Variants in STK38 observed in about 807,000 individuals in gnomAD.
STK38 encodes the protein serine/threonine kinase 38.
Under a neutral mutation model 59.0 loss-of-function variants are expected in STK38, and 26 were observed. The observed-to-expected ratio is 0.44, with a 90% confidence interval of 0.32 to 0.61. The LOEUF (loss-of-function observed/expected upper bound fraction) is 0.61, where lower values mean the gene tolerates loss of function less well. Among genes scored for constraint, STK38 ranks in the 20% least tolerant of loss-of-function variants. The pLI, the probability that STK38 is intolerant of heterozygous loss-of-function variation, is 0.04. For synonymous variants in STK38, 175 were observed against 176.6 expected, an observed-to-expected ratio of 0.99 and a Z score of 0.07; for missense variants, 433 against 566.0, an observed-to-expected ratio of 0.76 and a Z score of 2.38.
intron 7 of STK38, among the ~76,000 whole-genome samples, chr6:36,513,429 C>T (rs1484197500): frequency 2.6e-5 from 4 of 151,768 alleles, no homozygotes; most frequent in Non-Finnish European, 5.9e-5. Flanking sequence ...ATTCTCCTGC[C>T]TCAGCCTCTC....
In STK38 at chr6:36,517,758, T is replaced by C. The variant is rs1260097941; in HGVS notation, c.473A>G (p.Asp158Gly). The change falls in exon 6 of 14, where the codon GAT (aspartate) becomes GGT (glycine). Residue 158 changes from aspartate (D) to glycine (G), a missense_variant. By Grantham distance (94) the Asp-to-Gly change is moderately conservative (BLOSUM62 -1). Around this residue, in one of 3 missense-constraint regions of STK38, gnomAD observed 293 missense variants for 388.2 expected, o/e 0.75. Transcript: ENST00000229812. ...WVVKMFYSFQDKLNLYLIMEF... is the reference protein window; with the variant it reads ...WVVKMFYSFQGKLNLYLIMEF... ...CATGATTAGGTAGAGGTTTAGCTTATCCTGAAAACTATAGAACATTTTCAC... is the reference window on the plus strand; with the variant it reads ...CATGATTAGGTAGAGGTTTAGCTTACCCTGAAAACTATAGAACATTTTCAC... 6.2e-7 allele frequency: 1 copy of C among 1,614,144 alleles called. No homozygotes were observed. Among genetic ancestry groups the C allele is most frequent in the Non-Finnish European group, 8.5e-7 (1 of 1,179,988 alleles).
Position 36,495,488 on chromosome 6 carries a change from G to T in STK38, c.*296C>A. The T allele has an allele frequency of 3.4e-6, 1 of 292,362 alleles. No homozygotes were observed. Among genetic ancestry groups the T allele is most frequent in the South Asian group, 4.2e-5 (1 of 23,872 alleles). 18.1% of individuals were successfully genotyped at this position (292,362 alleles called of 1,614,324 possible). On this transcript the variant is annotated 3_prime_UTR_variant, in exon 14 of 14. Coordinates refer to ENST00000229812, the MANE Select transcript of STK38 (RefSeq NM_007271.4). ...GATGGCTGTTTTTCCCCTTCATTCT[G>T]ATGAACTTAGGAAAACTCAAGTTAT...
chr6:36,502,967 T>C (rs1776875485), intron 9 of STK38, among the ~76,000 whole-genome samples: 1 of 152,232 alleles, frequency 6.6e-6, no homozygotes, highest in African/African-American at 2.4e-5. Flanking sequence ...TTTTTACTGC[T>C]GCAAAATATT....
In STK38 at chr6:36,517,849, A is replaced by G. The variant is rs1777293018; in HGVS notation, c.391-9T>C. ...GCACGAATGTGGCCAACCTGGAGGT[A>G]TATGCATTTGATTAATGACAAAGCT... On this transcript the variant is annotated splice_polypyrimidine_tract_variant and intron_variant, in intron 5 of 13. Coordinates refer to ENST00000229812, the MANE Select transcript of STK38 (RefSeq NM_007271.4). 1.2e-6 allele frequency: 2 copies of G among 1,612,138 alleles called. No homozygotes were observed. Among genetic ancestry groups the G allele is most frequent in the South Asian group, 1.1e-5 (1 of 90,864 alleles).
At chr6:36,539,569 T>G (rs62402207) in intron 2 of STK38, among the ~76,000 whole-genome samples, 5,279 of 152,126 alleles carry the variant, frequency 0.035, 113 homozygotes, top group African/African-American at 0.055. Context: ...GCAAGTAGTA[T>G]TATCCCCATT....
chr6:36,527,207 A>AAAAAATAT lies in STK38; in HGVS notation c.132-1566_132-1565insATATTTTT, dbSNP rs60162863. On this transcript the variant is annotated intron_variant, in intron 2 of 13. Coordinates refer to ENST00000229812, the MANE Select transcript of STK38 (RefSeq NM_007271.4). Reference sequence around the variant, plus strand: ...ACTCCGTCTCAAAAAAAAAAAAAAAAATATATGTATATATATATATATTTA... The same window carrying AAAAAATAT: ...ACTCCGTCTCAAAAAAAAAAAAAAAAAAAAATATATATATGTATATATATATATATTTA... Among the ~76,000 whole-genome samples the AAAAAATAT allele has an allele frequency of 2.8e-3, 340 of 119,330 alleles. 4 individuals carry two copies. The highest frequency in any genetic ancestry group is 5.9e-3 in the African/African-American group (168 of 28,576). The allele number at this position is 119,330 out of a possible 152,430, so 78.3% of individuals were successfully genotyped here.
chr6:36,539,441 C>T (rs767287441), intron 2 of STK38, among the ~76,000 whole-genome samples: 2 of 151,588 alleles, frequency 1.3e-5, no homozygotes, highest in Non-Finnish European at 2.9e-5. Flanking sequence ...ACAGTATACA[C>T]CAGATCAGTA....
chr6:36,508,087 C>T (rs1777011930), intron 7 of STK38, among the ~76,000 whole-genome samples: 1 of 152,070 alleles, frequency 6.6e-6, no homozygotes, highest in Middle Eastern at 3.4e-3. Flanking sequence ...TTGTGTGCCA[C>T]CACGTCCGAC....
chr6:36,510,563 G>A (rs1272093872), intron 7 of STK38, among the ~76,000 whole-genome samples: 3 of 152,280 alleles, frequency 2.0e-5, no homozygotes, highest in Middle Eastern at 3.4e-3. Flanking sequence ...AGCCCTGACC[G>A]CACCTCCCCC....
At chr6:36,533,878 T>C (rs572743859) in intron 2 of STK38, among the ~76,000 whole-genome samples, 7 of 152,216 alleles carry the variant, frequency 4.6e-5, no homozygotes, top group African/African-American at 1.7e-4. Flanking sequence ...GAATTCCCCA[T>C]GATCCTAACA....
intron 2 of STK38, among the ~76,000 whole-genome samples, chr6:36,532,375 G>A (rs1364641962): frequency 6.6e-6 from 1 of 151,518 alleles, no homozygotes; most frequent in East Asian, 1.9e-4. Context: ...TACTTCTGAG[G>A]TAACTCTTGT....
chr6:36,497,934 C>CTTTA, intron 11 of STK38, 59 bp from the exon 12 acceptor site: 1 of 1,024,122 alleles, frequency 9.8e-7, no homozygotes, highest in Non-Finnish European at 1.4e-6. Flanking sequence ...AAAAGAAAAA[C>CTTTA]TTTCTTTTTT....
In STK38 at chr6:36,496,710, C is replaced by T; in HGVS notation, c.1267+1G>A. On this transcript the variant is annotated splice_donor_variant, in intron 13 of 13. Coordinates refer to ENST00000229812, the MANE Select transcript of STK38 (RefSeq NM_007271.4). LOFTEE classifies it high-confidence loss of function. ...GCAGGAGACAATGCTGGTGGTGTTA[C>T]CTGTTGGCTTAAGAATATCAGATTC... 4 of 1,609,448 alleles carry T rather than the reference C, an allele frequency of 2.5e-6. No individual in the cohort carries two copies. The highest frequency in any genetic ancestry group is 3.4e-6 in the Non-Finnish European group (4 of 1,176,520).
rs1777494931 is a variant in STK38, at chr6:36,525,716, C to T, written c.132-74G>A. 39 of 1,238,910 alleles carry T rather than the reference C, an allele frequency of 3.1e-5. 1 individual carries two copies. The South Asian group carries it at 4.8e-4, about 15-fold the overall frequency. 76.7% of individuals were successfully genotyped at this position (1,238,910 alleles called of 1,614,324 possible). ...TTTCTGAAAATTCTGTAACTTAATA[C>T]TGTAGTAGATTTTTAAAAATGACAC... On this transcript the variant is annotated intron_variant, in intron 2 of 13. Coordinates refer to ENST00000229812, the MANE Select transcript of STK38 (RefSeq NM_007271.4).
chr6:36,541,309 G>T (rs1021531405), intron 1 of STK38, among the ~76,000 whole-genome samples: 1 of 152,206 alleles, frequency 6.6e-6, no homozygotes, highest in East Asian at 1.9e-4. Context: ...TAAACCACAC[G>T]CCTGTAATCC....
intron 2 of STK38, among the ~76,000 whole-genome samples, chr6:36,538,548 T>A (rs1019323055): frequency 7.9e-5 from 12 of 152,162 alleles, no homozygotes; most frequent in Non-Finnish European, 1.5e-4. Flanking sequence ...CTAGTTAATG[T>A]TATATAAGCA....
At chr6:36,533,022 C>T (rs113412960) in intron 2 of STK38, among the ~76,000 whole-genome samples, 8,772 of 148,812 alleles carry the variant, frequency 0.059, 579 homozygotes, top group Admixed American at 0.17. Flanking sequence ...GCCAAGATGG[C>T]GCCACTGCCC....
At chr6:36,540,751 C>T (rs552289504) in intron 1 of STK38, among the ~76,000 whole-genome samples, 2 of 152,162 alleles carry the variant, frequency 1.3e-5, no homozygotes, top group South Asian at 2.1e-4. Flanking sequence ...CTCAGTTTCC[C>T]GAGTAGCTGG....
At chr6:36,513,821 A>C (rs1306661755) in intron 7 of STK38, among the ~76,000 whole-genome samples, 2 of 146,732 alleles carry the variant, frequency 1.4e-5, no homozygotes, top group Non-Finnish European at 3.0e-5. Context: ...CTGGGCAGCA[A>C]AGCGAGACCT....
Sources: allele counts gnomAD v4.1 joint callset (sites outside exome capture counted in the v4.1 genomes callset), GRCh38; gene constraint gnomAD v4.1.1; regional missense constraint gnomAD v4.1.1; transcripts MANE v1.5; gene names NCBI Gene and HGNC (gene_info 2026-07-23, HGNC 2026-07-21).